GAB4: variants seen among roughly 807,000 people sequenced by gnomAD.
The protein encoded by GAB4 is GRB2 associated binding protein family member 4, also known as GRB2-associated-binding protein 4.
Under a neutral mutation model 51.3 loss-of-function variants are expected in GAB4, and 26 were observed. The observed-to-expected ratio is 0.51, with a 90% CI of 0.37 to 0.70. The LOEUF is 0.70. Ranked by LOEUF, GAB4 falls within the 30% of genes least tolerant of loss-of-function variation. The pLI, the probability that GAB4 is intolerant of heterozygous loss-of-function variation, is 0.00. For synonymous variants in GAB4, 329 were observed against 291.2 expected (o/e 1.13, Z -1.32); for missense variants, 759 against 734.6 (o/e 1.03, Z -0.38).
At chr22:16,999,582 A>C (rs1450081874) in intron 1 of GAB4, among the ~76,000 whole-genome samples, 1 of 152,030 alleles carries the variant, frequency 6.6e-6, no homozygotes, top group Non-Finnish European at 1.5e-5. Flanking sequence ...TGATCTTTTC[A>C]AAAAACCAGC....
intron 3 of GAB4, among the ~76,000 whole-genome samples, chr22:16,975,979 T>C (rs2060774342): frequency 1.3e-5 from 2 of 148,882 alleles, no homozygotes; most frequent in Admixed American, 6.8e-5. Flanking sequence ...AGGAATAGCA[T>C]CAACAACAAC....
chr22:16,996,477 G>C (rs1261028680), intron 1 of GAB4, among the ~76,000 whole-genome samples: 2 of 151,958 alleles, frequency 1.3e-5, no homozygotes, highest in Non-Finnish European at 2.9e-5. Flanking sequence ...GATACTCCTC[G>C]AGAAAAGCAA....
Position 16,965,397 on chromosome 22 carries a change from G to T in GAB4, c.1289-129C>A, listed in dbSNP as rs911649958. On this transcript the variant is annotated intron_variant, in intron 6 of 9. Coordinates refer to ENST00000400588, the MANE Select transcript of GAB4 (RefSeq NM_001037814.1). ...CCAGTCCACCCAGCTGTGTGCGGGG[G>T]ACTGAGGCTTGGCAAGGCTCTATCG... is the stretch of plus-strand genomic sequence containing the variant. The T allele has an allele frequency of 4.9e-5, 34 of 698,670 alleles. 3 individuals are homozygous for T. In the South Asian group the frequency reaches 5.6e-4, roughly 11 times the overall value. 43.3% of individuals were successfully genotyped at this position (698,670 alleles called of 1,614,324 possible). A position where few individuals can be genotyped will look rare whatever the true frequency, so the allele number is the denominator to read the frequency against.
At chr22:16,980,045 A>G (rs1439776470) in intron 3 of GAB4, among the ~76,000 whole-genome samples, 1 of 152,194 alleles carries the variant, frequency 6.6e-6, no homozygotes, top group African/African-American at 2.4e-5. Flanking sequence ...AAGACCTAAA[A>G]CCACAAAAAC....
intron 1 of GAB4, among the ~76,000 whole-genome samples, chr22:17,006,080 A>C (rs2061037998): frequency 6.6e-6 from 1 of 152,236 alleles, no homozygotes; most frequent in African/African-American, 2.4e-5. Context: ...CAGCGTGAAC[A>C]GGCAACCTAC....
Position 16,968,312 on chromosome 22 carries a change from C to T in GAB4, c.1009G>A (p.Val337Ile), listed in dbSNP as rs2060699038. 1.9e-6 allele frequency: 3 copies of T among 1,613,566 alleles called. No homozygotes were observed. The highest frequency in any genetic ancestry group is 3.3e-5 in the Admixed American group (2 of 60,022). The stretch of plus-strand genomic sequence containing the variant: ...GCCATACTCACCAGGAAAGAACAGA[C>T]TCCCTCATGCATGGACTCAGCAGGC... ...SRPAESMHEGVCSFLPGRTLV... is the reference protein window; with the variant it reads ...SRPAESMHEGICSFLPGRTLV... Residue 337 changes from valine (V) to isoleucine (I), a missense_variant, in exon 5 of 10, where the codon GTC becomes ATC. Physicochemically the swap from Val to Ile is conservative, Grantham distance 29. Transcript: ENST00000400588.
At chr22:16,989,950 C>T (rs901263155) in intron 2 of GAB4, among the ~76,000 whole-genome samples, 1 of 152,174 alleles carries the variant, frequency 6.6e-6, no homozygotes, top group Non-Finnish European at 1.5e-5. Context: ...GGCTCCCTGC[C>T]GCAAGGCAGA....
Position 16,969,974 on chromosome 22 carries a change from G to A in GAB4, c.906C>T (p.Gly302=), listed in dbSNP as rs1446321740. 1.9e-6 allele frequency: 3 copies of A among 1,614,086 alleles called. No homozygotes were observed. The highest frequency in any genetic ancestry group is 1.3e-5 in the African/African-American group (1 of 74,948). The change falls in exon 4 of 10, where the codon GGC becomes GGT. Residue 302 remains glycine, a synonymous_variant. Transcript: ENST00000400588. ...WSLASHGHTR[G]SLTGSEADNE... is the part of the protein sequence containing the mutation. Reference sequence around the variant, plus strand: ...TATCCGCCTCAGAGCCTGTGAGGCTGCCTCTGGTGTGGCCATGGGAGGCCA... The same window carrying A: ...TATCCGCCTCAGAGCCTGTGAGGCTACCTCTGGTGTGGCCATGGGAGGCCA...
intron 1 of GAB4, among the ~76,000 whole-genome samples, chr22:17,002,345 G>A (rs1425276827): frequency 6.6e-6 from 1 of 151,922 alleles, no homozygotes; most frequent in African/African-American, 2.4e-5. Context: ...CCAAACAAAG[G>A]TTCATAAGCG....
At chr22:17,007,839 C>T (rs2061054120) in intron 1 of GAB4, 102 bp downstream of exon 1, 1 of 1,131,788 alleles carries the variant, frequency 8.8e-7, no homozygotes, top group Non-Finnish European at 1.2e-6. Context: ...TCGCCTCCAC[C>T]CGCAGCTCCT....
chr22:16,971,871 C>T (rs1334702777), intron 3 of GAB4, among the ~76,000 whole-genome samples: 3 of 152,212 alleles, frequency 2.0e-5, no homozygotes, highest in African/African-American at 7.2e-5. Context: ...CCGAGCTTCA[C>T]AGCCTTCCTT....
At chr22:16,975,648 G>A (rs185786826) in intron 3 of GAB4, among the ~76,000 whole-genome samples, 9 of 152,284 alleles carry the variant, frequency 5.9e-5, no homozygotes, top group Non-Finnish European at 1.0e-4. Flanking sequence ...CCAGCACAAC[G>A]CCCGAGCCCT....
chr22:16,973,915 G>A (rs2060755308), intron 3 of GAB4, among the ~76,000 whole-genome samples: 1 of 152,230 alleles, frequency 6.6e-6, no homozygotes, highest in Non-Finnish European at 1.5e-5. Flanking sequence ...ACAGCAGAGG[G>A]CCACATCCTG....
At chr22:16,965,999 A>C (rs2060669189) in intron 6 of GAB4, 101 bp downstream of exon 6, 16 of 1,082,220 alleles carry the variant, frequency 1.5e-5, no homozygotes, top group Non-Finnish European at 2.1e-5. Context: ...AATTCACATG[A>C]CTTGCCAAAG....
chr22:16,980,188 C>T (rs2060815521), intron 3 of GAB4, among the ~76,000 whole-genome samples: 1 of 152,134 alleles, frequency 6.6e-6, no homozygotes, highest in South Asian at 2.1e-4. Context: ...ACAGCTTCTG[C>T]ACAGCAAAAG....
chr22:16,992,257 G>A, intron 1 of GAB4, 81 bp from the exon 2 acceptor site: 1 of 1,282,676 alleles, frequency 7.8e-7, no homozygotes, highest in Non-Finnish European at 1.1e-6. Context: ...ACTAAGTTAA[G>A]GATGGGACTC....
chr22:16,965,050 G>A (rs2060660794), intron 7 of GAB4, 128 bp downstream of exon 7: 4 of 761,108 alleles, frequency 5.3e-6, no homozygotes, highest in Non-Finnish European at 8.7e-6. Context: ...CTCATGAGAC[G>A]GAGACAGGAT....
intron 2 of GAB4, among the ~76,000 whole-genome samples, chr22:16,990,953 T>G (rs2060908603): frequency 6.6e-6 from 1 of 152,102 alleles, no homozygotes; most frequent in Admixed American, 6.5e-5. Flanking sequence ...ATGCTGATGC[T>G]GATGAGCTGA....
chr22:17,001,598 C>T lies in GAB4; in HGVS notation c.174+6343G>A, dbSNP rs554104073. On this transcript the variant is annotated intron_variant, in intron 1 of 9. Coordinates refer to ENST00000400588, the MANE Select transcript of GAB4 (RefSeq NM_001037814.1). ...TGGGTTCAAATATCCTCCTTTAGCT[C>T]GGAGAAGTTCATTATTACTGATCGT... Among the ~76,000 whole-genome samples, 4 of 152,264 alleles carry T rather than the reference C, an allele frequency of 2.6e-5. No homozygotes were observed. In the South Asian group the frequency reaches 6.2e-4, roughly 24 times the overall value.
Sources: gnomAD v4.1 joint callset for allele counts (sites outside exome capture counted in the v4.1 genomes callset) on GRCh38, gnomAD v4.1.1 for gene constraint, MANE v1.5 for transcripts, NCBI Gene and HGNC (gene_info 2026-07-23, HGNC 2026-07-21) for gene names.